DSCAM: variants seen among roughly 807,000 people sequenced by gnomAD.
DSCAM encodes cell adhesion molecule DSCAM.
A neutral mutation model predicts 217.7 loss-of-function variants in DSCAM; 47 were observed. The observed-to-expected ratio is 0.22, with a 90% CI of 0.17 to 0.28. The LOEUF is 0.28. DSCAM is among the 10% of genes least tolerant of loss of function. DSCAM has a pLI of 1.00. For missense variants in DSCAM, 2,080 were observed against 2,618.3 expected (o/e 0.79, Z 4.49); for synonymous variants, 1,056 against 1,015.3 (o/e 1.04, Z -0.76).
At chr21:40,046,868 GCTCACT>G (rs1208057808) in intron 30 of DSCAM, among the ~76,000 whole-genome samples, 1 of 151,638 alleles carries the variant, frequency 6.6e-6, no homozygotes, top group Non-Finnish European at 1.5e-5. Context: ...TTCTGCTTGA[GCTCACT>G]CTCCAATGGT....
At chr21:40,621,528 G>A (rs1282603079) in intron 3 of DSCAM, 1 of 152,066 alleles carries the variant, frequency 6.6e-6, no homozygotes, top group Non-Finnish European at 1.5e-5. Context: ...GATGCCCTTT[G>A]CAGCCAGGCC....
chr21:40,199,299 C>T (rs1270859975), intron 11 of DSCAM, among the ~76,000 whole-genome samples: 1 of 152,168 alleles, frequency 6.6e-6, no homozygotes, highest in East Asian at 1.9e-4. Flanking sequence ...TGATGACTTC[C>T]AGCTTCATCC....
chr21:40,083,313 C>T (rs2089488961), intron 24 of DSCAM, among the ~76,000 whole-genome samples: 1 of 152,220 alleles, frequency 6.6e-6, no homozygotes, highest in African/African-American at 2.4e-5. Context: ...TCTCTAATCC[C>T]AGCTACTTGG....
chr21:40,502,738 A>G (rs2076179713), intron 3 of DSCAM, among the ~76,000 whole-genome samples: 1 of 152,208 alleles, frequency 6.6e-6, no homozygotes, highest in Admixed American at 6.6e-5. Flanking sequence ...TGTCAAGGAC[A>G]GCTGAGTAGC....
chr21:40,257,469 A>AACAC (rs141911963), intron 11 of DSCAM, among the ~76,000 whole-genome samples: 3,420 of 144,760 alleles, frequency 0.024, 57 homozygotes, highest in Non-Finnish European at 0.028. Flanking sequence ...GTATTTGCTG[A>AACAC]ACACACACAC....
intron 3 of DSCAM, among the ~76,000 whole-genome samples, chr21:40,470,738 G>C (rs1050971118): frequency 6.6e-6 from 1 of 152,144 alleles, no homozygotes; most frequent in Non-Finnish European, 1.5e-5. Context: ...ATTTTTTGTA[G>C]AGAGAGGGTT....
rs531402433 is a variant in DSCAM, at chr21:40,036,816, C to G, written c.5686+5555G>C. On this transcript the variant is annotated intron_variant, in intron 32 of 32. Transcript: ENST00000400454. ...AGCAGCACATCAAAAAGCTTATCCA[C>G]CATGATCAAGTGGGCTTCATCCCTG... Among the ~76,000 whole-genome samples, 3 of 148,320 alleles carry G rather than the reference C, an allele frequency of 2.0e-5. No homozygotes were observed. The South Asian group carries it at 6.4e-4, about 32-fold the overall frequency.
intron 3 of DSCAM, among the ~76,000 whole-genome samples, chr21:40,459,818 CAA>C: frequency 6.7e-6 from 1 of 150,266 alleles, no homozygotes; most frequent in East Asian, 1.9e-4. Flanking sequence ...GCCCCCCACC[CAA>C]AAAAAAAGAA....
At chr21:40,432,208 TAAA>T (rs1555917756) in intron 3 of DSCAM, among the ~76,000 whole-genome samples, 1 of 76,132 alleles carries the variant, frequency 1.3e-5, no homozygotes, top group South Asian at 3.9e-4. Flanking sequence ...AAAATAATAA[TAAA>T]AAATAAATAT....
intron 31 of DSCAM, 138 bp from the exon 32 acceptor site, chr21:40,042,811 G>A (rs901438399): frequency 4.9e-6 from 4 of 824,564 alleles, no homozygotes; most frequent in African/African-American, 3.4e-5. Flanking sequence ...CCTTGGCGGA[G>A]GCTCCTGCCT....
chr21:40,842,157 C>G (rs2092107488), intron 1 of DSCAM, among the ~76,000 whole-genome samples: 1 of 152,178 alleles, frequency 6.6e-6, no homozygotes, highest in African/African-American at 2.4e-5. Flanking sequence ...GGCGGGGACA[C>G]AATCGGCCTG....
intron 32 of DSCAM, among the ~76,000 whole-genome samples, chr21:40,032,552 C>G (rs986048504): frequency 6.6e-6 from 1 of 152,048 alleles, no homozygotes; most frequent in South Asian, 2.1e-4. Flanking sequence ...TCCTGCTTGC[C>G]GTTTGGGAGT....
At chr21:40,237,006 T>C (rs2073089133) in intron 11 of DSCAM, among the ~76,000 whole-genome samples, 1 of 152,202 alleles carries the variant, frequency 6.6e-6, no homozygotes, top group Non-Finnish European at 1.5e-5. Context: ...CAGCGCTAGC[T>C]CTTCAACAAT....
At chr21:40,818,333 T>G (rs1601305566) in intron 1 of DSCAM, among the ~76,000 whole-genome samples, 1 of 149,842 alleles carries the variant, frequency 6.7e-6, no homozygotes, top group African/African-American at 2.4e-5. Context: ...GATCACGAGG[T>G]CAGGAGAATG....
At chr21:40,595,933 A>G (rs2146252270) in intron 3 of DSCAM, among the ~76,000 whole-genome samples, 1 of 152,350 alleles carries the variant, frequency 6.6e-6, no homozygotes, top group South Asian at 2.1e-4. Flanking sequence ...TGGGATCCAC[A>G]GGCGGCAAAC....
intron 1 of DSCAM, among the ~76,000 whole-genome samples, chr21:40,797,957 AG>A (rs1384558455): frequency 2.0e-5 from 3 of 152,104 alleles, no homozygotes; most frequent in Non-Finnish European, 4.4e-5. Context: ...AAAAAAAAAA[AG>A]ATCCTTCATT....
At chr21:40,299,985 C>T (rs1021332416) in intron 9 of DSCAM, among the ~76,000 whole-genome samples, 3 of 152,078 alleles carry the variant, frequency 2.0e-5, no homozygotes, top group African/African-American at 4.8e-5. Context: ...TTCACGTACT[C>T]CTAGTTCCAT....
chr21:40,580,510 G>A (rs28628027), intron 3 of DSCAM, among the ~76,000 whole-genome samples: 68,095 of 151,570 alleles, frequency 0.45, 16,156 homozygotes, highest in Admixed American at 0.55. Context: ...TACAGCTATA[G>A]CTTGGGTGAC....
chr21:40,234,726 G>C (rs903990706), intron 11 of DSCAM, among the ~76,000 whole-genome samples: 4 of 152,124 alleles, frequency 2.6e-5, no homozygotes, highest in African/African-American at 9.7e-5. Context: ...GCATCCAGTT[G>C]CCAATTCTTT....
Sources: gnomAD v4.1 joint callset for allele counts (sites outside exome capture counted in the v4.1 genomes callset) on GRCh38, gnomAD v4.1.1 for gene constraint, MANE v1.5 for transcripts, NCBI Gene and HGNC (gene_info 2026-07-23, HGNC 2026-07-21) for gene names.